TDRD12: variants seen among roughly 807,000 people sequenced by gnomAD.
The protein encoded by TDRD12 is tudor domain containing 12.
TDRD12 carries 158 observed loss-of-function variants against 133.5 expected under a neutral mutation model. The observed-to-expected ratio is 1.18, with a 90% CI of 1.04 to 1.35. TDRD12 has a LOEUF of 1.35. Ranked by LOEUF, TDRD12 falls within the 40% of genes most tolerant of loss-of-function variation. The pLI is 0.00. For missense variants in TDRD12, 1,443 were observed against 1,321.3 expected (o/e 1.09, Z -1.43); for synonymous variants, 460 against 477.9 (o/e 0.96, Z 0.49).
exon 8 of TDRD12, chr19:32,826,271 A>G: frequency 6.8e-7 from 1 of 1,463,114 alleles, no homozygotes; most frequent in East Asian, 2.5e-5. Flanking sequence ...AATGGTTCCA[A>G]AAAGAAGATG....
At chr19:32,761,644 T>C (rs1346560907) in intron 8 of TDRD12, among the ~76,000 whole-genome samples, 2 of 152,200 alleles carry the variant, frequency 1.3e-5, no homozygotes, top group Non-Finnish European at 2.9e-5. Flanking sequence ...TTATTTGCTG[T>C]TGGTATATCT....
chr19:32,762,280 G>T (rs914677515), intron 8 of TDRD12, among the ~76,000 whole-genome samples: 2 of 152,026 alleles, frequency 1.3e-5, no homozygotes, highest in African/African-American at 4.8e-5. Flanking sequence ...GGTCATCTAG[G>T]TTTTCTCCTA....
At chr19:32,817,069 A>G (rs111844724) in intron 26 of TDRD12, among the ~76,000 whole-genome samples, 7,858 of 152,294 alleles carry the variant, frequency 0.052, 355 homozygotes, top group East Asian at 0.24. Context: ...GAGCACTGTT[A>G]GCACAGCTAA....
chr19:32,734,135 T>G (rs545380353), intron 2 of TDRD12, among the ~76,000 whole-genome samples: 1 of 152,090 alleles, frequency 6.6e-6, no homozygotes, highest in Non-Finnish European at 1.5e-5. Context: ...GACTTCATGA[T>G]CCACCCGTCT....
chr19:32,815,577 G>C, exon 26 of TDRD12: 1 of 1,536,236 alleles, frequency 6.5e-7, no homozygotes, highest in East Asian at 2.4e-5. Context: ...ATTACGCGAA[G>C]ATGCTAAGAT....
intron 24 of TDRD12, among the ~76,000 whole-genome samples, chr19:32,812,122 T>TCAGGCA (rs1237881136): frequency 1.3e-5 from 2 of 152,306 alleles, no homozygotes; most frequent in East Asian, 3.9e-4. Flanking sequence ...CCACTTGTGC[T>TCAGGCA]CAGGCACAGG....
intron 1 of TDRD12, among the ~76,000 whole-genome samples, chr19:32,726,018 T>C (rs1968847140): frequency 6.6e-6 from 1 of 152,176 alleles, no homozygotes; most frequent in Admixed American, 6.6e-5. Context: ...GTAAAAAACA[T>C]GTAACGAAGT....
chr19:32,803,198 C>T, intron 21 of TDRD12, 56 bp downstream of exon 21: 5 of 1,263,884 alleles, frequency 4.0e-6, no homozygotes, highest in Non-Finnish European at 5.4e-6. Context: ...GTAAGGTGCA[C>T]AGCTGTTGCA....
At chr19:32,745,410 A>G (rs1055903445) in intron 4 of TDRD12, among the ~76,000 whole-genome samples, 1 of 152,210 alleles carries the variant, frequency 6.6e-6, no homozygotes, top group Non-Finnish European at 1.5e-5. Flanking sequence ...TAACGTGTGT[A>G]TTACAGTTTT....
At chr19:32,797,940 T>C (rs1971278605) in intron 15 of TDRD12, 49 bp downstream of exon 15, 3 of 649,570 alleles carry the variant, frequency 4.6e-6, no homozygotes, top group Non-Finnish European at 8.2e-6. Flanking sequence ...TCCTTTTCAC[T>C]GTCTTCCCTA....
chr19:32,747,483 T>C (rs1969686836), intron 4 of TDRD12, among the ~76,000 whole-genome samples: 1 of 152,190 alleles, frequency 6.6e-6, no homozygotes, highest in Non-Finnish European at 1.5e-5. Flanking sequence ...TCTTGGAGGA[T>C]GGTGGTGGCA....
At chr19:32,741,172 T>C (rs1170169063) in intron 3 of TDRD12, among the ~76,000 whole-genome samples, 1 of 152,158 alleles carries the variant, frequency 6.6e-6, no homozygotes, top group Non-Finnish European at 1.5e-5. Flanking sequence ...AATCTCTGCC[T>C]CCCAGTTCAA....
intron 6 of TDRD12, among the ~76,000 whole-genome samples, chr19:32,751,373 T>C (rs1305112343): frequency 6.6e-6 from 1 of 152,148 alleles, no homozygotes; most frequent in Non-Finnish European, 1.5e-5. Flanking sequence ...ATGTGGTGTT[T>C]GCCAGGTTTT....
At chr19:32,742,983 C>A in intron 4 of TDRD12, 83 bp downstream of exon 4, 1 of 1,494,842 alleles carries the variant, frequency 6.7e-7, no homozygotes, top group Non-Finnish European at 9.0e-7. Flanking sequence ...GTCAGTTCCT[C>A]TGTAGAAGTG....
chr19:32,769,287 G>A (rs972440574), intron 8 of TDRD12, among the ~76,000 whole-genome samples: 3 of 152,154 alleles, frequency 2.0e-5, no homozygotes, highest in Non-Finnish European at 4.4e-5. Context: ...GTGATGTGAG[G>A]TAAGGGTCAG....
intron 8 of TDRD12, among the ~76,000 whole-genome samples, chr19:32,759,561 G>A (rs577956847): frequency 7.9e-5 from 12 of 152,100 alleles, no homozygotes; most frequent in Non-Finnish European, 1.6e-4. Flanking sequence ...AGAGGTTTCA[G>A]TGAACCAAGA....
chr19:32,794,778 G>A lies in TDRD12; in HGVS notation c.1438G>A (p.Gly480Arg), dbSNP rs34982176. ...ACCAGTGTTGACAGTTTTGCAAACA[G>A]GAGCCTGCTACAAGTCATTACCAAG... Residue 480 changes from glycine to arginine, a missense_variant, in exon 14 of 28, where the codon GGA (glycine) becomes AGA (arginine). Transcript: ENST00000444215. 5,113 of 703,434 alleles carry A rather than the reference G, an allele frequency of 7.3e-3. 44 individuals are homozygous for A. The highest frequency in any genetic ancestry group is 0.029 in the Middle Eastern group (128 of 4,372). 43.6% of individuals were successfully genotyped at this position (703,434 alleles called of 1,614,324 possible). A position where few individuals can be genotyped will look rare whatever the true frequency, so the allele number is the denominator to read the frequency against.
intron 22 of TDRD12, 48 bp downstream of exon 22, chr19:32,807,696 A>C (rs998602094): frequency 4.0e-5 from 53 of 1,320,014 alleles, no homozygotes; most frequent in Non-Finnish European, 5.4e-5. Context: ...TGGTCATGTT[A>C]ATAAACGTGT....
intron 8 of TDRD12, among the ~76,000 whole-genome samples, chr19:32,763,972 A>G (rs2868188): frequency 0.58 from 88,782 of 151,976 alleles, 26,766 homozygotes; most frequent in East Asian, 0.82. Context: ...CTTGTTGTTA[A>G]GATAGAGTGA....
Sources: allele counts gnomAD v4.1 joint callset (sites outside exome capture counted in the v4.1 genomes callset), GRCh38; gene constraint gnomAD v4.1.1; transcripts MANE v1.5; gene names NCBI Gene and HGNC (gene_info 2026-07-23, HGNC 2026-07-21).